Variants in RNF17 observed in about 807,000 individuals in gnomAD.
The protein encoded by RNF17 is spermatogenesis associated 23.
RNF17 carries 31 observed loss-of-function variants against 200.5 expected under a neutral mutation model. The observed-to-expected ratio is 0.15, with a 90% CI of 0.12 to 0.21. RNF17 has a LOEUF of 0.21. Among genes scored for constraint, RNF17 ranks in the 10% least tolerant of loss-of-function variants. The probability of loss-of-function intolerance (pLI) is 1.00; values close to 1 mark genes in which losing one functional copy is unlikely to be tolerated. For synonymous variants in RNF17, 606 were observed against 637.8 expected (o/e 0.95, Z 0.75); for missense variants, 1,628 against 1,905.1 (o/e 0.85, Z 2.71).
At chr13:24,803,194 T>A (rs1885463463) in intron 14 of RNF17, among the ~76,000 whole-genome samples, 1 of 152,260 alleles carries the variant, frequency 6.6e-6, no homozygotes. Context: ...TAACTGTTCC[T>A]AAATTTTCCT....
At chr13:24,760,949 AT>A (rs1156780249), upstream of RNF17, among the ~76,000 whole-genome samples, 1 of 152,208 alleles carries the variant, frequency 6.6e-6, no homozygotes, top group Non-Finnish European at 1.5e-5. Flanking sequence ...AATGGAGATT[AT>A]TTAAAAAAAA....
intron 22 of RNF17, among the ~76,000 whole-genome samples, chr13:24,848,107 A>AGG (rs1891452073): frequency 6.6e-6 from 1 of 152,114 alleles, no homozygotes; most frequent in African/African-American, 2.4e-5. Context: ...CTAACAACAA[A>AGG]CCTTAAAGAT....
chr13:24,827,091 G>A (rs1450178000), intron 16 of RNF17, among the ~76,000 whole-genome samples: 1 of 151,428 alleles, frequency 6.6e-6, no homozygotes, highest in Non-Finnish European at 1.5e-5. Context: ...CACCACGCCC[G>A]GCTAATTTTT....
At chr13:24,750,122 T>C in the RNF17 span, among the ~76,000 whole-genome samples, 1 of 152,212 alleles carries the variant, frequency 6.6e-6, no homozygotes, top group Non-Finnish European at 1.5e-5. Flanking sequence ...CTGGGTTTGC[T>C]CTGGTGTGAA....
chr13:24,811,435 G>GGCTGCT (rs1211412159), intron 15 of RNF17, among the ~76,000 whole-genome samples: 1 of 151,938 alleles, frequency 6.6e-6, no homozygotes, highest in African/African-American at 2.4e-5. Flanking sequence ...TGATCGCATC[G>GGCTGCT]GCTGCTGAGG....
downstream of RNF17, chr13:24,884,264 A>T (rs778061827): frequency 1.9e-6 from 3 of 1,613,930 alleles, no homozygotes; most frequent in Admixed American, 1.7e-5. Context: ...ACACACAGTC[A>T]GTCTGCCTTT....
At chr13:24,833,165 G>A (rs891129496) in intron 18 of RNF17, among the ~76,000 whole-genome samples, 1 of 152,190 alleles carries the variant, frequency 6.6e-6, no homozygotes, top group Non-Finnish European at 1.5e-5. Context: ...TAGCATAGAT[G>A]TATAGGACTT....
At chr13:24,779,845 A>AGAG in intron 5 of RNF17, 98 bp downstream of exon 5, 1 of 873,906 alleles carries the variant, frequency 1.1e-6, no homozygotes, top group Non-Finnish European at 1.8e-6. Flanking sequence ...AGAGCTTAGC[A>AGAG]CTGAGTTATT....
chr13:24,852,434 G>T (rs1026767918), intron 24 of RNF17, among the ~76,000 whole-genome samples: 5 of 152,050 alleles, frequency 3.3e-5, no homozygotes, highest in African/African-American at 1.2e-4. Flanking sequence ...CACCACGCTC[G>T]GCCTCTTTTC....
At chr13:24,771,321 A>ATTTTTTTT (rs750139413) in intron 2 of RNF17, among the ~76,000 whole-genome samples, 1 of 72,918 alleles carries the variant, frequency 1.4e-5, no homozygotes, top group Non-Finnish European at 2.7e-5. Flanking sequence ...CACACAGATA[A>ATTTTTTTT]TCTTTTTTTT....
chr13:24,814,688 T>C (rs1887171928), intron 15 of RNF17, among the ~76,000 whole-genome samples: 2 of 152,238 alleles, frequency 1.3e-5, no homozygotes, highest in Non-Finnish European at 2.9e-5. Context: ...TTCTGGACTT[T>C]CTATTTTGTT....
At chr13:24,752,924 G>A in the RNF17 span, among the ~76,000 whole-genome samples, 1 of 152,134 alleles carries the variant, frequency 6.6e-6, no homozygotes, top group Non-Finnish European at 1.5e-5. Flanking sequence ...TCTGGCTTCT[G>A]TCCTCCCACC....
intron 31 of RNF17, among the ~76,000 whole-genome samples, chr13:24,869,080 T>C (rs1893976100): frequency 6.6e-6 from 1 of 151,540 alleles, no homozygotes; most frequent in Non-Finnish European, 1.5e-5. Flanking sequence ...CGTGTTCCAC[T>C]TACTATGTTT....
chr13:24,839,489 A>G lies in RNF17; in HGVS notation c.2483-2552A>G, dbSNP rs372538710. Among the ~76,000 whole-genome samples, 9 of 152,320 alleles carry G rather than the reference A, an allele frequency of 5.9e-5. 1 individual carries two copies. In the South Asian group the frequency reaches 1.9e-3, roughly 32 times the overall value. On this transcript the variant is annotated intron_variant, in intron 18 of 35. Transcript: ENST00000255324. ...ACAATACCTGATTTCAAACTATACT[A>G]TAAGGCCAGTCACCAAAACAGTGTG...
intron 18 of RNF17, among the ~76,000 whole-genome samples, chr13:24,834,379 C>T (rs1036147616): frequency 6.6e-6 from 1 of 152,102 alleles, no homozygotes; most frequent in African/African-American, 2.4e-5. Context: ...TGTGCCACTG[C>T]ACTCCAGCCT....
chr13:24,793,075 T>C lies in RNF17; in HGVS notation c.969T>C (p.Asn323=), dbSNP rs1566140164. Residue 323 remains asparagine, a synonymous_variant, in exon 10 of 36, where the codon AAT becomes AAC. Coordinates refer to ENST00000255324, the MANE Select transcript of RNF17 (RefSeq NM_031277.3). ...CYPQENEIRQ[N]VQKKYNNKKE... ...CCCAAGAAAATGAAATTAGACAGAA[T>C]GTTCAAAAGAAATATAATAACAAAA... The C allele has an allele frequency of 2.5e-6, 4 of 1,587,706 alleles. No homozygotes were observed. Among genetic ancestry groups the C allele is most frequent in the Non-Finnish European group, 3.4e-6 (4 of 1,167,726 alleles).
At chr13:24,767,492 G>A in intron 2 of RNF17, 126 bp downstream of exon 2, 1 of 617,678 alleles carries the variant, frequency 1.6e-6, no homozygotes, top group South Asian at 1.9e-5. Flanking sequence ...GCTGACGCCT[G>A]TAATCCCAGC....
chr13:24,764,147 GC>G, upstream of RNF17: 1 of 1,510,144 alleles, frequency 6.6e-7, no homozygotes. Context: ...ATTGGTCGCT[GC>G]CGCGAGGGCC....
chr13:24,846,922 G>A (rs902910422), intron 22 of RNF17, among the ~76,000 whole-genome samples: 2 of 151,952 alleles, frequency 1.3e-5, no homozygotes, highest in South Asian at 2.1e-4. Context: ...TTTCAGACAT[G>A]GATTATAAAT....
Sources: allele counts gnomAD v4.1 joint callset (sites outside exome capture counted in the v4.1 genomes callset), GRCh38; gene constraint gnomAD v4.1.1; transcripts MANE v1.5; gene names NCBI Gene and HGNC (gene_info 2026-07-23, HGNC 2026-07-21).